TINAG: variants seen among roughly 807,000 people sequenced by gnomAD.
The protein encoded by TINAG is tubulointerstitial nephritis antigen.
In TINAG, 83 loss-of-function variants were observed where a neutral mutation model predicts 72.7. That is an observed-to-expected ratio of 1.14 (90% CI 0.96 to 1.37). The LOEUF (loss-of-function observed/expected upper bound fraction) is 1.37, where lower values mean the gene tolerates loss of function less well. Among genes scored for constraint, TINAG ranks in the 40% most tolerant of loss-of-function variants. The pLI is 0.00. For synonymous variants in TINAG, 234 were observed against 189.9 expected, an observed-to-expected ratio of 1.23 and a Z score of -1.91; for missense variants, 685 against 576.6, an observed-to-expected ratio of 1.19 and a Z score of -1.93.
chr6:54,308,209 A>G (rs1288489547), upstream of TINAG: 4 of 1,290,718 alleles, frequency 3.1e-6, no homozygotes, highest in East Asian at 5.0e-5. Context: ...CGATTTAAGA[A>G]CCTAGATTTT....
intron 4 of TINAG, among the ~76,000 whole-genome samples, chr6:54,331,036 G>A (rs1050396580): frequency 6.6e-6 from 1 of 152,096 alleles, no homozygotes; most frequent in Non-Finnish European, 1.5e-5. Context: ...GTACAAAGAG[G>A]AGCTGGTACC....
chr6:54,367,211 G>A (rs970377589), intron 9 of TINAG: 1 of 151,746 alleles, frequency 6.6e-6, no homozygotes, highest in African/African-American at 2.4e-5. Context: ...TTTTACGTTT[G>A]CAAGCAGTTC....
At chr6:54,385,458 A>G (rs1387148301) in intron 10 of TINAG, among the ~76,000 whole-genome samples, 1 of 145,306 alleles carries the variant, frequency 6.9e-6, no homozygotes, top group Non-Finnish European at 1.5e-5. Context: ...TGAAAATAGC[A>G]TAAATAGTTA....
At chr6:54,376,526 C>G (rs1368356664) in intron 9 of TINAG, among the ~76,000 whole-genome samples, 2 of 151,822 alleles carry the variant, frequency 1.3e-5, no homozygotes, top group Admixed American at 1.3e-4. Flanking sequence ...ACAAAATCTA[C>G]CAAAACCAAA....
chr6:54,350,175 T>G (rs1290133858), intron 7 of TINAG, among the ~76,000 whole-genome samples: 1 of 151,698 alleles, frequency 6.6e-6, no homozygotes, highest in African/African-American at 2.4e-5. Flanking sequence ...TACATATATT[T>G]GAACTTGACA....
chr6:54,330,612 G>A (rs1177396932), intron 4 of TINAG, among the ~76,000 whole-genome samples: 2 of 152,248 alleles, frequency 1.3e-5, no homozygotes, highest in Non-Finnish European at 2.9e-5. Flanking sequence ...GATCAGAGCA[G>A]AAATGAAGGA....
rs575639528 is a variant in TINAG at position 54,349,539 on chromosome 6, T to G, written c.900-177T>G. On this transcript the variant is annotated intron_variant, in intron 6 of 10. Coordinates refer to ENST00000259782, the MANE Select transcript of TINAG (RefSeq NM_014464.4). ...TTATAATGAAAAAATAAGAGGAGGG[T>G]AGGGAAGAGTGTAATGTCATTGAGC... 2.0e-5 allele frequency among the ~76,000 whole-genome samples: 3 copies of G among 151,998 alleles called. No individual in the cohort carries two copies. In the East Asian group the frequency reaches 5.8e-4, roughly 29 times the overall value.
At chr6:54,372,049 T>C (rs955625651) in intron 9 of TINAG, among the ~76,000 whole-genome samples, 3 of 127,714 alleles carry the variant, frequency 2.3e-5, no homozygotes, top group African/African-American at 8.4e-5. Flanking sequence ...TGGAGTACAA[T>C]GGCATGATCT....
intron 4 of TINAG, among the ~76,000 whole-genome samples, chr6:54,335,098 A>T (rs1164767358): frequency 6.6e-6 from 1 of 152,180 alleles, no homozygotes; most frequent in African/African-American, 2.4e-5. Context: ...ACACTCACTT[A>T]TGTGTCTCTA....
intron 1 of TINAG, among the ~76,000 whole-genome samples, chr6:54,315,818 C>T (rs1784360731): frequency 6.6e-6 from 1 of 152,178 alleles, no homozygotes; most frequent in South Asian, 2.1e-4. Flanking sequence ...AGACCATCTG[C>T]TGTGAACAGA....
chr6:54,316,032 A>G (rs781728381), intron 1 of TINAG, among the ~76,000 whole-genome samples: 19 of 152,342 alleles, frequency 1.2e-4, no homozygotes, highest in Non-Finnish European at 1.3e-4. Flanking sequence ...TACAACGTCT[A>G]TAAGCTTCAT....
intron 5 of TINAG, among the ~76,000 whole-genome samples, chr6:54,344,677 G>A (rs9474813): frequency 0.011 from 1,619 of 152,200 alleles, 26 homozygotes; most frequent in African/African-American, 0.037. Context: ...ACTTGCTAGG[G>A]TGGAGGATAT....
chr6:54,364,300 T>C (rs191741416), intron 9 of TINAG, among the ~76,000 whole-genome samples: 73 of 151,552 alleles, frequency 4.8e-4, no homozygotes, highest in Non-Finnish European at 8.7e-4. Flanking sequence ...CTGATGATTT[T>C]CCAAATGGGT....
chr6:54,377,908 T>G (rs992035615), intron 9 of TINAG, among the ~76,000 whole-genome samples: 2 of 152,114 alleles, frequency 1.3e-5, no homozygotes, highest in African/African-American at 2.4e-5. Flanking sequence ...TTAGTTTAAA[T>G]AAAGGTTTTA....
chr6:54,351,507 GA>G (rs1226144449), intron 8 of TINAG, 110 bp downstream of exon 8: 5 of 1,014,386 alleles, frequency 4.9e-6, no homozygotes, highest in South Asian at 1.6e-5. Flanking sequence ...TTTACTTTAA[GA>G]GTATCCAAAA....
chr6:54,348,676 A>C (rs1292004766), intron 6 of TINAG, among the ~76,000 whole-genome samples: 1 of 152,066 alleles, frequency 6.6e-6, no homozygotes, highest in Non-Finnish European at 1.5e-5. Context: ...GACATCCTTT[A>C]AAGTTAATAA....
chr6:54,342,530 G>C (rs1046255459), intron 4 of TINAG, among the ~76,000 whole-genome samples: 1 of 151,884 alleles, frequency 6.6e-6, no homozygotes, highest in Non-Finnish European at 1.5e-5. Context: ...CACCATGCCT[G>C]GCTAATTTTT....
At chr6:54,383,385 A>T (rs1480910634) in intron 10 of TINAG, among the ~76,000 whole-genome samples, 1 of 152,174 alleles carries the variant, frequency 6.6e-6, no homozygotes, top group Non-Finnish European at 1.5e-5. Context: ...TAATAAAAAT[A>T]TTGAAAGTCT....
Position 54,310,776 on chromosome 6 carries a change from C to T in TINAG, c.355+1871C>T, listed in dbSNP as rs148491500. ...TTTCTTTTTTCTCTCTCTTTCTCTC[C>T]CTTTCTTTCTCTTTCTTTTTTCTCT... On this transcript the variant is annotated intron_variant, in intron 1 of 10. Transcript: ENST00000259782. 7.1e-3 allele frequency among the ~76,000 whole-genome samples: 964 copies of T among 135,452 alleles called. 7 individuals are homozygous for T. The highest frequency in any genetic ancestry group is 0.023 in the Middle Eastern group (5 of 216). 88.9% of individuals were successfully genotyped at this position (135,452 alleles called of 152,430 possible).
Sources: gnomAD v4.1 joint callset for allele counts (sites outside exome capture counted in the v4.1 genomes callset) on GRCh38, gnomAD v4.1.1 for gene constraint, MANE v1.5 for transcripts, NCBI Gene and HGNC (gene_info 2026-07-23, HGNC 2026-07-21) for gene names.